Variants in ERRFI1 observed in about 807,000 individuals in gnomAD.
The protein encoded by ERRFI1 is ERBB receptor feedback inhibitor 1, also known as mitogen-inducible gene 6 protein.
In ERRFI1, 12 loss-of-function variants were observed where a neutral mutation model predicts 14.6. That is an observed-to-expected ratio of 0.82 (90% CI 0.53 to 1.33). The LOEUF is 1.33. Among genes scored for constraint, ERRFI1 ranks in the 40% most tolerant of loss-of-function variants. The pLI is 0.00. For synonymous variants in ERRFI1, 202 were observed against 209.9 expected (o/e 0.96, Z 0.32); for missense variants, 482 against 572.1 (o/e 0.84, Z 1.61).
In ERRFI1 at chr1:8,014,156, C is replaced by T. The variant is rs781356048; in HGVS notation, c.443G>A (p.Arg148Gln). 18 of 1,613,962 alleles carry T rather than the reference C, an allele frequency of 1.1e-5. No homozygotes were observed. Among genetic ancestry groups the T allele is most frequent in the African/African-American group, 1.3e-5 (1 of 74,892 alleles). The change falls in exon 4 of 4, where the codon CGG becomes CAG. Residue 148 changes from arginine to glutamine, a missense_variant. Arg to Gln is a conservative substitution (Grantham distance 43). Coordinates refer to ENST00000377482, the MANE Select transcript of ERRFI1 (RefSeq NM_018948.4). The stretch of plus-strand genomic sequence containing the variant: ...CAACGGTGGAAGAGGCCTAGAACCC[C>T]GTTCACAAAGAGGGGCACAGGGGAA... ...SLFPCAPLCE[R>Q]GSRPLPPLPI...
In ERRFI1 at chr1:8,013,734, T is replaced by G. The variant is rs1422720419; in HGVS notation, c.865A>C (p.Ile289Leu). The G allele has an allele frequency of 6.2e-7, 1 of 1,614,146 alleles. No homozygotes were observed. The highest frequency in any genetic ancestry group is 8.5e-7 in the Non-Finnish European group (1 of 1,180,018). Residue 289 changes from isoleucine (I) to leucine (L), a missense_variant, in exon 4 of 4, where the codon ATA becomes CTA. Physicochemically the swap from Ile to Leu is conservative, Grantham distance 5. Coordinates refer to ENST00000377482, the MANE Select transcript of ERRFI1 (RefSeq NM_018948.4). This position sits in a 1 kb window ranked among gnomAD's most constrained non-coding sequence, Gnocchi z 4.3. ...DKPEVPPRVP[I>L]PPRPVKPDYR... ...TCTGGCTTTACTGGTCTAGGAGGTA[T>G]GGGAACTCTGGGGGGAACCTCAGGT...
rs541096199 is a variant in ERRFI1 at position 8,022,152 on chromosome 1, A to G, written c.-74+4006T>C. Among the ~76,000 whole-genome samples the G allele has an allele frequency of 2.6e-5, 4 of 152,298 alleles. No individual in the cohort carries two copies. The South Asian group carries it at 8.3e-4, about 32-fold the overall frequency. ...GGTTAAGGCATCAATTTGACATTCT[A>G]TTACCACTTCAAACAACTATTTTGA... On this transcript the variant is annotated intron_variant, in intron 1 of 3. Coordinates refer to ENST00000377482, the MANE Select transcript of ERRFI1 (RefSeq NM_018948.4).
intron 1 of ERRFI1, among the ~76,000 whole-genome samples, chr1:8,019,641 AGT>A (rs1457765820): frequency 3.3e-5 from 5 of 152,260 alleles, no homozygotes; most frequent in African/African-American, 1.2e-4. Context: ...ACTGTGAGTC[AGT>A]GAAGAGCTCA....
At position 8,013,383 on chromosome 1, in the gene ERRFI1, T is replaced by G. The variant is rs1641116551; in HGVS notation, c.1216A>C (p.Lys406Gln). 4 of 1,614,238 alleles carry G rather than the reference T, an allele frequency of 2.5e-6. No individual in the cohort carries two copies. Among genetic ancestry groups the G allele is most frequent in the Non-Finnish European group, 2.5e-6 (3 of 1,180,052 alleles). The change falls in exon 4 of 4, where the codon AAA (lysine) becomes CAA (glutamine). Residue 406 changes from lysine (K) to glutamine (Q), a missense_variant. Coordinates refer to ENST00000377482, the MANE Select transcript of ERRFI1 (RefSeq NM_018948.4). This position sits in a 1 kb window ranked among gnomAD's most constrained non-coding sequence, Gnocchi z 4.3. Reference protein sequence around the residue: ...LLPERPPYLDKYEKFFREAEE... With the variant: ...LLPERPPYLDQYEKFFREAEE... Reference sequence around the variant, plus strand: ...GCTTCCCTAAAAAATTTTTCATATTTGTCCAGGTATGGTGGTCGTTCAGGT... The same window carrying G: ...GCTTCCCTAAAAAATTTTTCATATTGGTCCAGGTATGGTGGTCGTTCAGGT...
intron 1 of ERRFI1, among the ~76,000 whole-genome samples, chr1:8,018,707 A>G (rs1490277191): frequency 6.6e-6 from 1 of 152,216 alleles, no homozygotes; most frequent in East Asian, 1.9e-4. Context: ...ATGCAGTTAA[A>G]TACCAAATTT....
chr1:8,015,508 T>C lies in ERRFI1; in HGVS notation c.112A>G (p.Ser38Gly), dbSNP rs1641160477. 1 of 1,614,186 alleles carries C rather than the reference T, an allele frequency of 6.2e-7. No homozygotes were observed. The highest frequency in any genetic ancestry group is 8.5e-7 in the Non-Finnish European group (1 of 1,180,002). The stretch of plus-strand genomic sequence containing the variant: ...TCCTCTACTTACTTTTTAAACTCAC[T>C]GCGACTGCTCCAGTAGGTCTTCCTC... ...NMRKTYWSSR[S>G]EFKNNFLNID... Residue 38 changes from serine to glycine, a missense_variant, in exon 2 of 4, where the codon AGT becomes GGT. Ser to Gly is a moderately conservative substitution (Grantham distance 56). Transcript: ENST00000377482.
intron 1 of ERRFI1, among the ~76,000 whole-genome samples, chr1:8,017,192 T>C (rs1436760764): frequency 6.6e-6 from 1 of 152,162 alleles, no homozygotes; most frequent in African/African-American, 2.4e-5. Context: ...AAGTGTTTAT[T>C]ATTATTTTCC....
Position 8,014,023 on chromosome 1 carries a change from T to C in ERRFI1, c.576A>G (p.Lys192=). ...LLEDSTLSDF[K]YDVPGRRSFR... is the part of the protein sequence containing the mutation. ...AGCTTCGCCTGCCAGGAACATCATA[T>C]TTGAAATCAGAAAGTGTAGAGTCTT... is the stretch of plus-strand genomic sequence containing the variant. Residue 192 remains lysine (K), a synonymous_variant, in exon 4 of 4, where the codon AAA becomes AAG. Transcript: ENST00000377482. 1 of 1,614,118 alleles carries C rather than the reference T, an allele frequency of 6.2e-7. No individual in the cohort carries two copies. Among genetic ancestry groups the C allele is most frequent in the Non-Finnish European group, 8.5e-7 (1 of 1,180,016 alleles).
intron 1 of ERRFI1, among the ~76,000 whole-genome samples, chr1:8,023,570 A>C (rs1194579776): frequency 6.6e-6 from 1 of 151,960 alleles, no homozygotes; most frequent in Non-Finnish European, 1.5e-5. Flanking sequence ...TGAGCCACTG[A>C]GCCCGGCCAA....
Position 8,015,294 on chromosome 1 carries a change from T to C in ERRFI1, c.202+14A>G, listed in dbSNP as rs368971771. On this transcript the variant is annotated intron_variant, in intron 3 of 3. Transcript: ENST00000377482. ...CTCAAATGCTTACTGTGATCAGATT[T>C]TCAGAATACATACCAAGTGGTATTA... 4.3e-6 allele frequency: 7 copies of C among 1,610,628 alleles called. No homozygotes were observed. In the African/African-American group the frequency reaches 9.3e-5, roughly 22 times the overall value.
chr1:8,012,053 C>A lies in ERRFI1; in HGVS notation c.*1157G>T. 1 of 230,378 alleles carries A rather than the reference C, an allele frequency of 4.3e-6. No homozygotes were observed. The allele number at this position is 230,378 out of a possible 1,614,324, so 14.3% of individuals were successfully genotyped here. The stretch of plus-strand genomic sequence containing the variant: ...TGGAAGGATGTGAAAATCGGAACAC[C>A]AACTATGTGTCTCACTGCATCTAAG... On this transcript the variant is annotated 3_prime_UTR_variant, in exon 4 of 4. Transcript: ENST00000377482.
rs117451191 is a variant in ERRFI1 at position 8,022,704 on chromosome 1, G to A, written c.-74+3454C>T. On this transcript the variant is annotated intron_variant, in intron 1 of 3. Transcript: ENST00000377482. ...AGAAACTGAAGCAAAAGGCTGTTAAGTTAAATGCTCAAGACCTAAGTGCTA... is the reference window on the plus strand; with the variant it reads ...AGAAACTGAAGCAAAAGGCTGTTAAATTAAATGCTCAAGACCTAAGTGCTA... Among the ~76,000 whole-genome samples, 136 of 152,304 alleles carry A rather than the reference G, an allele frequency of 8.9e-4. 3 individuals carry two copies. The East Asian group carries it at 0.023, about 26-fold the overall frequency.
At chr1:8,014,469 A>T in intron 3 of ERRFI1, 73 bp from the exon 4 acceptor site, 1 of 1,387,710 alleles carries the variant, frequency 7.2e-7, no homozygotes, top group Non-Finnish European at 9.7e-7. Flanking sequence ...AGAGCACCCC[A>T]GCTACCTATG....
chr1:8,025,338 A>C (rs775369854), intron 1 of ERRFI1, among the ~76,000 whole-genome samples: 3 of 152,250 alleles, frequency 2.0e-5, no homozygotes, highest in Non-Finnish European at 4.4e-5. Flanking sequence ...ATAAATACAC[A>C]CACAAAATTC....
At chr1:8,019,264 C>T (rs1557466620) in intron 1 of ERRFI1, among the ~76,000 whole-genome samples, 1 of 152,170 alleles carries the variant, frequency 6.6e-6, no homozygotes, top group Non-Finnish European at 1.5e-5. Flanking sequence ...CTAAATAAAA[C>T]CTCCTCAGCC....
rs1641119120 is a variant in ERRFI1 at position 8,013,489 on chromosome 1, T to C, written c.1110A>G (p.Glu370=). Residue 370 remains glutamate (E), a synonymous_variant, in exon 4 of 4, where the codon GAA becomes GAG. Coordinates refer to ENST00000377482, the MANE Select transcript of ERRFI1 (RefSeq NM_018948.4). The surrounding 1 kb of genome is among the most constrained non-coding windows in gnomAD (Gnocchi z 4.3). ...TGCAAGGAACCTTACTGGCAGATCC[T>C]TCGCTGTTCTGTCTTTGCAGTGCTT... ...SSKALQRQNS[E]GSASKVPCIL... is the part of the protein sequence containing the mutation. The C allele has an allele frequency of 6.2e-7, 1 of 1,614,206 alleles. No individual in the cohort carries two copies. Among genetic ancestry groups the C allele is most frequent in the Non-Finnish European group, 8.5e-7 (1 of 1,180,038 alleles).
Position 8,013,675 on chromosome 1 carries a change from G to GCTCGAA in ERRFI1, c.918_923dup (p.Ser307_Ser308dup). ...GAGGCCTGTCTTCATCACTATAGGT[G>GCTCGAA]CTCGAAGTAACTTCTGCTGACCATC... On this transcript the variant is annotated inframe_insertion, in exon 4 of 4. Transcript: ENST00000377482. The surrounding 1 kb of genome is among the most constrained non-coding windows in gnomAD (Gnocchi z 4.3). 6.2e-7 allele frequency: 1 copy of GCTCGAA among 1,614,114 alleles called. No individual in the cohort carries two copies. The highest frequency in any genetic ancestry group is 8.5e-7 in the Non-Finnish European group (1 of 1,180,032).
chr1:8,017,994 G>C (rs1641206539), intron 1 of ERRFI1, among the ~76,000 whole-genome samples: 1 of 151,952 alleles, frequency 6.6e-6, no homozygotes, highest in Non-Finnish European at 1.5e-5. Context: ...GCTTTCTTAA[G>C]AAAAAAATTT....
chr1:8,018,509 T>C (rs12735338), intron 1 of ERRFI1, among the ~76,000 whole-genome samples: 19,954 of 151,894 alleles, frequency 0.13, 1,661 homozygotes, highest in Non-Finnish European at 0.17. Context: ...AGGAAAACAA[T>C]TGCAAAAATG....
Sources: gnomAD v4.1 joint callset for allele counts (sites outside exome capture counted in the v4.1 genomes callset) on GRCh38, gnomAD v4.1.1 for gene constraint, Gnocchi (gnomAD v3.1) non-coding constraint, MANE v1.5 for transcripts, NCBI Gene and HGNC (gene_info 2026-07-23, HGNC 2026-07-21) for gene names.